CTHRC1: variants seen among roughly 807,000 people sequenced by gnomAD.
The protein encoded by CTHRC1 is collagen triple helix repeat containing 1, also known as collagen triple helix repeat-containing protein 1.
CTHRC1 carries 21 observed loss-of-function variants against 25.9 expected under a neutral mutation model. The observed-to-expected ratio is 0.81, with a 90% CI of 0.57 to 1.17. CTHRC1 has a LOEUF of 1.17. Among genes scored for constraint, CTHRC1 ranks in the 50% most tolerant of loss-of-function variants. The pLI is 0.00. For missense variants in CTHRC1, 281 were observed against 304.3 expected, an observed-to-expected ratio of 0.92 and a Z score of 0.57; for synonymous variants, 109 against 113.1, an observed-to-expected ratio of 0.96 and a Z score of 0.23.
rs901985226 is a variant in CTHRC1, at chr8:103,382,477, A to T, written c.609A>T (p.Gly203=). 6.2e-7 allele frequency: 1 copy of T among 1,613,836 alleles called. No homozygotes were observed. Residue 203 remains glycine, a synonymous_variant, in exon 4 of 4, where the codon GGA becomes GGT. Coordinates refer to ENST00000330295, the MANE Select transcript of CTHRC1 (RefSeq NM_138455.4). ...RTSSVEGLCE[G]IGAGLVDVAI... is the part of the protein sequence containing the mutation. ...TTGCAGTGGAAGGACTTTGTGAAGG[A>T]ATTGGTGCTGGATTAGTGGATGTTG...
At chr8:103,372,674 A>G in intron 1 of CTHRC1, 1 of 1,594,190 alleles carries the variant, frequency 6.3e-7, no homozygotes, top group Non-Finnish European at 8.5e-7. Flanking sequence ...GTTTGCTTAA[A>G]ATCCTTCCCT....
At position 103,372,524 on chromosome 8, in the gene CTHRC1, T is replaced by G. The variant is rs775902422; in HGVS notation, c.150+718T>G. On this transcript the variant is annotated intron_variant, in intron 1 of 3. Coordinates refer to ENST00000330295, the MANE Select transcript of CTHRC1 (RefSeq NM_138455.4). ...TTCTGTTTAAACCAAATGGGCAGTC[T>G]GTCATTACACACACCCTGGGTCTTC... is the stretch of plus-strand genomic sequence containing the variant. 1.1e-5 allele frequency: 17 copies of G among 1,598,118 alleles called. No homozygotes were observed. In the African/African-American group the frequency reaches 1.7e-4, roughly 16 times the overall value.
In CTHRC1 at chr8:103,378,056, T is replaced by G; in HGVS notation, c.402T>G (p.Asn134Lys). The G allele has an allele frequency of 6.2e-7, 1 of 1,614,028 alleles. No homozygotes were observed. The highest frequency in any genetic ancestry group is 1.1e-5 in the South Asian group (1 of 91,082). Residue 134 changes from asparagine (N) to lysine (K), a missense_variant, in exon 3 of 4, where the codon AAT (asparagine) becomes AAG (lysine). Transcript: ENST00000330295. Reference sequence around the variant, plus strand: ...GTACATTTACAAAGATGCGTTCAAATAGTGCTCTAAGAGTTTTGTTCAGTG... The same window carrying G: ...GTACATTTACAAAGATGCGTTCAAAGAGTGCTCTAAGAGTTTTGTTCAGTG... ...AECTFTKMRSNSALRVLFSGS... is the reference protein window; with the variant it reads ...AECTFTKMRSKSALRVLFSGS...
intron 2 of CTHRC1, 88 bp downstream of exon 2, chr8:103,376,047 TA>T (rs199777983): frequency 7.3e-4 from 743 of 1,024,106 alleles, no homozygotes; most frequent in Non-Finnish European, 9.1e-4. Flanking sequence ...TATTTTTTTT[TA>T]ACTAAAAGAC....
At chr8:103,372,296 A>G in intron 1 of CTHRC1, 1 of 600,408 alleles carries the variant, frequency 1.7e-6, no homozygotes, top group Non-Finnish European at 2.6e-6. Context: ...CCTGCGAGAG[A>G]GAATAACAAC....
chr8:103,375,709 T>C (rs753249581), intron 1 of CTHRC1, 29 bp from the exon 2 acceptor site: 2 of 1,585,018 alleles, frequency 1.3e-6, no homozygotes, highest in Non-Finnish European at 1.7e-6. Context: ...GTGGTGAGAG[T>C]TTTCTTTGCC....
chr8:103,377,345 C>G (rs1026561410), intron 2 of CTHRC1: 2 of 152,624 alleles, frequency 1.3e-5, no homozygotes, highest in African/African-American at 2.4e-5. Flanking sequence ...GGTTTGTTAA[C>G]TGCTCTATCT....
At chr8:103,379,874 C>G (rs1437921881) in intron 3 of CTHRC1, among the ~76,000 whole-genome samples, 1 of 152,176 alleles carries the variant, frequency 6.6e-6, no homozygotes, top group Non-Finnish European at 1.5e-5. Context: ...CCACAATATC[C>G]TTGAAACATA....
At position 103,371,672 on chromosome 8, in the gene CTHRC1, C is replaced by T. The variant is rs1437885778; in HGVS notation, c.16C>T (p.Pro6Ser). The T allele has an allele frequency of 6.5e-6, 10 of 1,534,040 alleles. No individual in the cohort carries two copies. In the African/African-American group the frequency reaches 7.1e-5, roughly 11 times the overall value. The change falls in exon 1 of 4, where the codon CCC becomes TCC. Residue 6 changes from proline (P) to serine (S), a missense_variant. Physicochemically the swap from Pro to Ser is moderately conservative, Grantham distance 74. Transcript: ENST00000330295. ...GCCGGGAGCCATGCGACCCCAGGGC[C>T]CCGCCGCCTCCCCGCAGCGGCTCCG... MRPQG[P>S]AASPQRLRGL...
In CTHRC1 at chr8:103,372,604, C is replaced by G. The variant is rs752259371; in HGVS notation, c.150+798C>G. The G allele has an allele frequency of 3.1e-6, 5 of 1,598,284 alleles. No homozygotes were observed. The East Asian group carries it at 8.9e-5, about 28-fold the overall frequency. ...GTCAAGCTACGGGAGAAAACAGTTTCCAGGAAACTGGAAATGAACGGCCCG... is the reference window on the plus strand; with the variant it reads ...GTCAAGCTACGGGAGAAAACAGTTTGCAGGAAACTGGAAATGAACGGCCCG... On this transcript the variant is annotated intron_variant, in intron 1 of 3. Transcript: ENST00000330295.
Position 103,382,629 on chromosome 8 carries a change from T to C in CTHRC1, c.*29T>C. On this transcript the variant is annotated 3_prime_UTR_variant, in exon 4 of 4. Transcript: ENST00000330295. Reference sequence around the variant, plus strand: ...CTTTAATTTTCATTTGCTACCTCTTTTTTTATTATGCCTTGGAATGGTTCA... The same window carrying C: ...CTTTAATTTTCATTTGCTACCTCTTCTTTTATTATGCCTTGGAATGGTTCA... The C allele has an allele frequency of 3.8e-6, 6 of 1,573,452 alleles. No individual in the cohort carries two copies. The highest frequency in any genetic ancestry group is 5.2e-6 in the Non-Finnish European group (6 of 1,143,304).
chr8:103,371,939 G>A lies in CTHRC1; in HGVS notation c.150+133G>A, dbSNP rs1478488732. On this transcript the variant is annotated intron_variant, in intron 1 of 3. Coordinates refer to ENST00000330295, the MANE Select transcript of CTHRC1 (RefSeq NM_138455.4). ...AGCTGTGTGTCGTGTGTCTTGCTGC[G>A]CCGGGGTGTCATGCTTTTTATTTAC... The A allele has an allele frequency of 6.8e-6, 6 of 888,386 alleles. No individual in the cohort carries two copies. The African/African-American group carries it at 9.0e-5, about 13-fold the overall frequency. 55.0% of individuals were successfully genotyped at this position (888,386 alleles called of 1,614,324 possible).
At chr8:103,374,665 T>C (rs1815773083) in intron 1 of CTHRC1, among the ~76,000 whole-genome samples, 1 of 152,112 alleles carries the variant, frequency 6.6e-6, no homozygotes, top group South Asian at 2.1e-4. Context: ...TTACCCAGAG[T>C]TGCTGCCTTG....
chr8:103,371,825 A>G lies in CTHRC1; in HGVS notation c.150+19A>G. On this transcript the variant is annotated intron_variant, in intron 1 of 3. Coordinates refer to ENST00000330295, the MANE Select transcript of CTHRC1 (RefSeq NM_138455.4). ...GGACCTGGTGAGTCCGAGGGAGCCGAGCCGGGACCGCCGCGCTGGTGGAGG... is the reference window on the plus strand; with the variant it reads ...GGACCTGGTGAGTCCGAGGGAGCCGGGCCGGGACCGCCGCGCTGGTGGAGG... 2 of 1,485,108 alleles carry G rather than the reference A, an allele frequency of 1.3e-6. No individual in the cohort carries two copies. The highest frequency in any genetic ancestry group is 1.8e-6 in the Non-Finnish European group (2 of 1,118,800). The allele number at this position is 1,485,108 out of a possible 1,614,324, so 92.0% of individuals were successfully genotyped here. A position where few individuals can be genotyped will look rare whatever the true frequency, so the allele number is the denominator to read the frequency against.
intron 1 of CTHRC1, 102 bp downstream of exon 1, chr8:103,371,908 C>CTGGCTGTTGGGGG: frequency 8.6e-7 from 1 of 1,167,522 alleles, no homozygotes; most frequent in Non-Finnish European, 1.2e-6. Context: ...GGGTGTCTGT[C>CTGGCTGTTGGGGG]TGTACAGCTG....
intron 3 of CTHRC1, among the ~76,000 whole-genome samples, chr8:103,381,727 G>GGTGGCTC (rs1815914315): frequency 6.6e-6 from 1 of 152,094 alleles, no homozygotes; most frequent in Non-Finnish European, 1.5e-5. Flanking sequence ...GGCTGGGCAC[G>GGTGGCTC]GTGGCTCATG....
At position 103,382,626 on chromosome 8, in the gene CTHRC1, CT is replaced by C. The variant is rs762922336; in HGVS notation, c.*33del. The C allele has an allele frequency of 2.5e-6, 4 of 1,584,322 alleles. No individual in the cohort carries two copies. The Admixed American group carries it at 5.0e-5, about 20-fold the overall frequency. ...ATGCTTTAATTTTCATTTGCTACCT[CT>C]TTTTTTATTATGCCTTGGAATGGTT... On this transcript the variant is annotated 3_prime_UTR_variant, in exon 4 of 4. Coordinates refer to ENST00000330295, the MANE Select transcript of CTHRC1 (RefSeq NM_138455.4).
At chr8:103,380,695 C>G (rs147496994) in intron 3 of CTHRC1, among the ~76,000 whole-genome samples, 104 of 152,356 alleles carry the variant, frequency 6.8e-4, no homozygotes, top group Non-Finnish European at 1.1e-3. Flanking sequence ...GACCATTTGA[C>G]TGTCCTCAGA....
At chr8:103,381,527 A>G (rs749515851) in intron 3 of CTHRC1, among the ~76,000 whole-genome samples, 3 of 152,166 alleles carry the variant, frequency 2.0e-5, no homozygotes, top group Non-Finnish European at 4.4e-5. Flanking sequence ...TTAGTAGGTG[A>G]AAGTCCAGAG....
Sources: gnomAD v4.1 joint callset for allele counts (sites outside exome capture counted in the v4.1 genomes callset) on GRCh38, gnomAD v4.1.1 for gene constraint, MANE v1.5 for transcripts, NCBI Gene and HGNC (gene_info 2026-07-23, HGNC 2026-07-21) for gene names.